The following LRMDA variants were observed in gnomAD, a reference collection of about 807,000 sequenced individuals.
LRMDA encodes the protein leucine rich melanocyte differentiation associated.
LRMDA carries 18 observed loss-of-function variants against 29.8 expected under a neutral mutation model. The ratio of observed to expected loss-of-function variants is 0.60; its 90% CI spans 0.42 to 0.90. The LOEUF (loss-of-function observed/expected upper bound fraction) is 0.90, where lower values mean the gene tolerates loss of function less well. LRMDA is among the 40% of genes least tolerant of loss of function. LRMDA has a pLI of 0.00. For missense variants in LRMDA, 273 were observed against 273.9 expected, an observed-to-expected ratio of 1.00 and a Z score of 0.02; for synonymous variants, 125 against 109.4, an observed-to-expected ratio of 1.14 and a Z score of -0.89.
At chr10:76,175,313 T>G (rs1183093557) in intron 5 of LRMDA, among the ~76,000 whole-genome samples, 2 of 152,154 alleles carry the variant, frequency 1.3e-5, no homozygotes, top group Non-Finnish European at 2.9e-5. Flanking sequence ...CATTTCTGTT[T>G]GTGAGACCTT....
chr10:76,184,713 T>C (rs908507866), intron 5 of LRMDA, among the ~76,000 whole-genome samples: 1 of 152,204 alleles, frequency 6.6e-6, no homozygotes, highest in Non-Finnish European at 1.5e-5. Flanking sequence ...TGTTGTGGAT[T>C]GCATTTTTCC....
At chr10:75,479,590 T>C (rs1243565198) in intron 2 of LRMDA, among the ~76,000 whole-genome samples, 1 of 152,034 alleles carries the variant, frequency 6.6e-6, no homozygotes, top group Non-Finnish European at 1.5e-5. Context: ...CACTCATTCA[T>C]TCATTCATTC....
chr10:75,474,486 C>T (rs150213228), intron 2 of LRMDA, among the ~76,000 whole-genome samples: 1 of 152,292 alleles, frequency 6.6e-6, no homozygotes, highest in African/African-American at 2.4e-5. Flanking sequence ...GACTCTGCCC[C>T]TATGACCTCA....
At chr10:75,619,460 A>G (rs1312497628) in intron 2 of LRMDA, among the ~76,000 whole-genome samples, 8 of 152,102 alleles carry the variant, frequency 5.3e-5, no homozygotes, top group African/African-American at 1.9e-4. Flanking sequence ...GCTGATTTTA[A>G]TCAGTGTCAG....
At chr10:75,813,980 A>G (rs1351705594) in intron 2 of LRMDA, among the ~76,000 whole-genome samples, 3 of 152,172 alleles carry the variant, frequency 2.0e-5, no homozygotes, top group African/African-American at 4.8e-5. Flanking sequence ...CAATAAATCC[A>G]TTTGTCACTA....
chr10:76,113,104 G>T lies in LRMDA; in HGVS notation c.516+54321G>T, dbSNP rs112614169. On this transcript the variant is annotated intron_variant, in intron 5 of 6. Coordinates refer to ENST00000611255, the MANE Select transcript of LRMDA (RefSeq NM_001305581.2). ...GCAGAAGGCATCAGTGGGGAGAGGAGTGTAAATCTTCTAGTTTGGAAATCT... is the reference window on the plus strand; with the variant it reads ...GCAGAAGGCATCAGTGGGGAGAGGATTGTAAATCTTCTAGTTTGGAAATCT... Among the ~76,000 whole-genome samples, 9 of 152,216 alleles carry T rather than the reference G, an allele frequency of 5.9e-5. 1 individual carries two copies. The highest frequency in any genetic ancestry group is 1.7e-4 in the African/African-American group (7 of 41,540).
intron 2 of LRMDA, among the ~76,000 whole-genome samples, chr10:75,892,456 G>A (rs930273158): frequency 3.9e-5 from 6 of 152,190 alleles, no homozygotes; most frequent in Admixed American, 2.0e-4. Context: ...CTTTAAGGGA[G>A]CGCTTAGGAA....
Position 75,984,574 on chromosome 10 carries a change from T to C in LRMDA, c.132-51434T>C, listed in dbSNP as rs16932760. ...TGCATGAGCAGGAGCAGATAGTGTT[T>C]ACCTCTTTTGTCCGTGGCCCTGTGT... On this transcript the variant is annotated intron_variant, in intron 2 of 6. Coordinates refer to ENST00000611255, the MANE Select transcript of LRMDA (RefSeq NM_001305581.2). Among the ~76,000 whole-genome samples, 1,485 of 152,334 alleles carry C rather than the reference T, an allele frequency of 9.7e-3. 20 individuals are homozygous for C. Among genetic ancestry groups the C allele is most frequent in the African/African-American group, 0.034 (1,420 of 41,586 alleles).
chr10:76,096,611 G>A (rs1165214782), intron 5 of LRMDA, among the ~76,000 whole-genome samples: 3 of 151,984 alleles, frequency 2.0e-5, no homozygotes, highest in Admixed American at 6.6e-5. Flanking sequence ...GCATTTCCCT[G>A]TAAATTTTAA....
chr10:76,247,299 G>C (rs1852393867), intron 5 of LRMDA, among the ~76,000 whole-genome samples: 1 of 152,168 alleles, frequency 6.6e-6, no homozygotes, highest in Non-Finnish European at 1.5e-5. Flanking sequence ...TTAAGGCATG[G>C]AGAAAAGTGA....
At position 75,821,795 on chromosome 10, in the gene LRMDA, C is replaced by A. The variant is rs796686319; in HGVS notation, c.132-214213C>A. On this transcript the variant is annotated intron_variant, in intron 2 of 6. Coordinates refer to ENST00000611255, the MANE Select transcript of LRMDA (RefSeq NM_001305581.2). ...AAAAACAAACAAACAAACAAACAAA[C>A]AAAAAAAACCCTTACCAAACTAGGT... is the stretch of plus-strand genomic sequence containing the variant. 4.6e-3 allele frequency among the ~76,000 whole-genome samples: 692 copies of A among 150,944 alleles called. 4 individuals are homozygous for A. Among genetic ancestry groups the A allele is most frequent in the African/African-American group, 0.012 (499 of 41,082 alleles).
intron 2 of LRMDA, among the ~76,000 whole-genome samples, chr10:75,537,881 C>T (rs970457009): frequency 4.6e-5 from 7 of 152,216 alleles, no homozygotes; most frequent in African/African-American, 1.7e-4. Context: ...CTATAGGATG[C>T]TCTTTCTGTC....
intron 6 of LRMDA, among the ~76,000 whole-genome samples, chr10:76,471,973 TAA>T (rs1842622313): frequency 6.6e-6 from 1 of 151,642 alleles, no homozygotes; most frequent in Non-Finnish European, 1.5e-5. Flanking sequence ...CTTTCAACAA[TAA>T]TAGTTGTAGT....
At chr10:75,630,858 T>G (rs1841313407) in intron 2 of LRMDA, among the ~76,000 whole-genome samples, 1 of 152,210 alleles carries the variant, frequency 6.6e-6, no homozygotes, top group Admixed American at 6.5e-5. Flanking sequence ...GTTTTTCTAA[T>G]TGTTGATTCT....
intron 6 of LRMDA, among the ~76,000 whole-genome samples, chr10:76,407,999 C>G (rs1841920254): frequency 1.3e-5 from 2 of 152,148 alleles, no homozygotes; most frequent in African/African-American, 4.8e-5. Context: ...AGAGAGAACA[C>G]AGTTTTAAAA....
chr10:75,627,543 T>G (rs1455374047), intron 2 of LRMDA, among the ~76,000 whole-genome samples: 4 of 152,134 alleles, frequency 2.6e-5, no homozygotes, highest in Admixed American at 1.3e-4. Flanking sequence ...GTCTGGCTGT[T>G]CAAACACAGT....
intron 5 of LRMDA, among the ~76,000 whole-genome samples, chr10:76,131,480 C>A (rs182036320): frequency 6.4e-4 from 98 of 152,236 alleles, no homozygotes; most frequent in African/African-American, 2.2e-3. Flanking sequence ...CTTGTATATA[C>A]CTGCAATTAT....
At chr10:76,293,146 A>T (rs193038008) in intron 5 of LRMDA, among the ~76,000 whole-genome samples, 8 of 152,088 alleles carry the variant, frequency 5.3e-5, no homozygotes, top group African/African-American at 1.7e-4. Context: ...ACACCTGGCT[A>T]ATTTTTGTGT....
At chr10:76,308,410 AG>A (rs1840586653) in intron 5 of LRMDA, among the ~76,000 whole-genome samples, 1 of 152,186 alleles carries the variant, frequency 6.6e-6, no homozygotes, top group African/African-American at 2.4e-5. Context: ...GAAGATGGAT[AG>A]GGAGCCACAT....
Sources: allele counts gnomAD v4.1 joint callset (sites outside exome capture counted in the v4.1 genomes callset), GRCh38; gene constraint gnomAD v4.1.1; transcripts MANE v1.5; gene names NCBI Gene and HGNC (gene_info 2026-07-23, HGNC 2026-07-21).